MED12L: variants seen among roughly 807,000 people sequenced by gnomAD.
MED12L encodes the protein mediator complex subunit 12L, also known as mediator of RNA polymerase II transcription subunit 12-like protein.
Under a neutral mutation model 281.3 loss-of-function variants are expected in MED12L, and 60 were observed. That is an observed-to-expected ratio of 0.21 (90% CI 0.17 to 0.26). The LOEUF (loss-of-function observed/expected upper bound fraction) is 0.26. Among genes scored for constraint, MED12L ranks in the 10% least tolerant of loss-of-function variants. The pLI, the probability that MED12L is intolerant of heterozygous loss-of-function variation, is 1.00. For synonymous variants in MED12L, 974 were observed against 987.2 expected, an observed-to-expected ratio of 0.99 and a Z score of 0.25; for missense variants, 2,146 against 2,680.9, an observed-to-expected ratio of 0.80 and a Z score of 4.41.
intron 12 of MED12L, among the ~76,000 whole-genome samples, chr3:151,185,955 G>A (rs939981029): frequency 2.0e-5 from 3 of 152,108 alleles, no homozygotes; most frequent in African/African-American, 7.2e-5. Flanking sequence ...ACACACATGT[G>A]CAATATACAT....
intron 9 of MED12L, 93 bp from the exon 10 acceptor site, chr3:151,165,327 A>G: frequency 1.1e-6 from 1 of 897,370 alleles, no homozygotes; most frequent in Non-Finnish European, 1.8e-6. Flanking sequence ...AGTTCACTAT[A>G]GGATACTTTA....
intron 38 of MED12L, among the ~76,000 whole-genome samples, chr3:151,393,107 C>T (rs1349061237): frequency 6.6e-6 from 1 of 152,106 alleles, no homozygotes; most frequent in African/African-American, 2.4e-5. Flanking sequence ...ATGGCTGAGG[C>T]AAATCTCACT....
intron 16 of MED12L, among the ~76,000 whole-genome samples, chr3:151,194,482 A>C (rs2149112233): frequency 6.6e-6 from 1 of 152,314 alleles, no homozygotes; most frequent in South Asian, 2.1e-4. Context: ...ACAAATTCTT[A>C]CTGGAAGGTG....
At position 151,194,091 on chromosome 3, in the gene MED12L, G is replaced by C. The variant is rs147281626; in HGVS notation, c.2250+425G>C. Among the ~76,000 whole-genome samples, 1,234 of 149,670 alleles carry C rather than the reference G, an allele frequency of 8.2e-3. 12 individuals carry two copies. The highest frequency in any genetic ancestry group is 0.014 in the Non-Finnish European group (938 of 67,626). ...AGTGATTCTTTTGCCTCAGCCTCCC[G>C]AGTAGCTGGGATTACAGGCACCTGC... is the stretch of plus-strand genomic sequence containing the variant. On this transcript the variant is annotated intron_variant, in intron 16 of 44. Coordinates refer to ENST00000687756, the MANE Select transcript of MED12L (RefSeq NM_001393769.1).
chr3:151,419,454 C>T (rs1421939338), intron 43 of MED12L, among the ~76,000 whole-genome samples: 1 of 152,144 alleles, frequency 6.6e-6, no homozygotes, highest in African/African-American at 2.4e-5. Context: ...TTTCTGCCTG[C>T]TTTATATTCG....
intron 21 of MED12L, among the ~76,000 whole-genome samples, chr3:151,360,856 G>A (rs1020077273): frequency 1.4e-4 from 21 of 152,038 alleles, no homozygotes; most frequent in Admixed American, 1.3e-3. Flanking sequence ...ATGATGTTAG[G>A]TCTGATTTTA....
At chr3:151,287,440 T>C (rs1437581773) in intron 16 of MED12L, among the ~76,000 whole-genome samples, 1 of 152,098 alleles carries the variant, frequency 6.6e-6, no homozygotes, top group Non-Finnish European at 1.5e-5. Context: ...AGGTTGTTAA[T>C]GGGAATGAAG....
intron 16 of MED12L, among the ~76,000 whole-genome samples, chr3:151,285,320 TA>T (rs1372602190): frequency 4.6e-5 from 7 of 151,666 alleles, no homozygotes; most frequent in African/African-American, 9.7e-5. Context: ...CCGTCTCTAC[TA>T]AAAAATACAA....
chr3:151,378,005 A>T lies in MED12L; in HGVS notation c.4317-7A>T. ...TTCTCCGGTGTAACACCTGTTTCTGATTTTAGTTCCTCCGAACGCAGGGGT... is the reference window on the plus strand; with the variant it reads ...TTCTCCGGTGTAACACCTGTTTCTGTTTTTAGTTCCTCCGAACGCAGGGGT... On this transcript the variant is annotated splice_region_variant and splice_polypyrimidine_tract_variant and intron_variant, in intron 30 of 44. Coordinates refer to ENST00000687756, the MANE Select transcript of MED12L (RefSeq NM_001393769.1). 3.8e-6 allele frequency: 6 copies of T among 1,586,192 alleles called. No homozygotes were observed. In the East Asian group the frequency reaches 6.9e-5, roughly 18 times the overall value.
chr3:151,312,583 A>G (rs753763287), intron 16 of MED12L, among the ~76,000 whole-genome samples: 2 of 152,184 alleles, frequency 1.3e-5, no homozygotes, highest in African/African-American at 4.8e-5. Flanking sequence ...GTCAAGAGAC[A>G]GTAATATCTT....
At chr3:151,139,887 T>C (rs1346536001) in intron 5 of MED12L, among the ~76,000 whole-genome samples, 1 of 152,236 alleles carries the variant, frequency 6.6e-6, no homozygotes, top group African/African-American at 2.4e-5. Flanking sequence ...CTTTAAGACA[T>C]GCACAAGAGG....
chr3:151,169,583 T>C (rs984444839), intron 11 of MED12L, among the ~76,000 whole-genome samples: 10 of 152,150 alleles, frequency 6.6e-5, no homozygotes, highest in Non-Finnish European at 1.5e-4. Flanking sequence ...GCCCTTTTTT[T>C]CTCTAAGGAA....
intron 16 of MED12L, among the ~76,000 whole-genome samples, chr3:151,205,695 A>G (rs968347983): frequency 5.3e-5 from 8 of 152,276 alleles, no homozygotes; most frequent in Non-Finnish European, 1.0e-4. Context: ...ACTGTGGTGC[A>G]GAGAAATTAA....
rs565185489 is a variant in MED12L, at chr3:151,244,530, C to T, written c.2250+50864C>T. 3.5e-3 allele frequency among the ~76,000 whole-genome samples: 518 copies of T among 149,562 alleles called. 3 individuals carry two copies. Among genetic ancestry groups the T allele is most frequent in the African/African-American group, 0.012 (498 of 40,728 alleles). ...TCCTGAATGACTACTGGGTACATAACGAAATGAAGGCAGAAATAAAGATGT... is the reference window on the plus strand; with the variant it reads ...TCCTGAATGACTACTGGGTACATAATGAAATGAAGGCAGAAATAAAGATGT... On this transcript the variant is annotated intron_variant, in intron 16 of 44. Transcript: ENST00000687756.
intron 5 of MED12L, among the ~76,000 whole-genome samples, chr3:151,149,835 C>A (rs1423083771): frequency 6.6e-6 from 1 of 152,146 alleles, no homozygotes; most frequent in Non-Finnish European, 1.5e-5. Context: ...CTGAAGAAAC[C>A]ACTTTGTTTG....
At chr3:151,128,781 A>G (rs991171190) in intron 5 of MED12L, among the ~76,000 whole-genome samples, 3 of 152,140 alleles carry the variant, frequency 2.0e-5, no homozygotes, top group Admixed American at 6.5e-5. Context: ...GTCCATCTCA[A>G]TATCTGAAAT....
chr3:151,270,388 C>G (rs1251551628), intron 16 of MED12L, among the ~76,000 whole-genome samples: 1 of 152,008 alleles, frequency 6.6e-6, no homozygotes, highest in African/African-American at 2.4e-5. Flanking sequence ...ATTTTTATCC[C>G]TTCTTGTCTG....
At chr3:151,309,485 T>A (rs1368375434) in intron 16 of MED12L, among the ~76,000 whole-genome samples, 1 of 152,206 alleles carries the variant, frequency 6.6e-6, no homozygotes, top group Non-Finnish European at 1.5e-5. Context: ...TGACCTGACC[T>A]GTATACCTGC....
At chr3:151,350,887 A>G (rs1753151347) in intron 17 of MED12L, among the ~76,000 whole-genome samples, 1 of 152,136 alleles carries the variant, frequency 6.6e-6, no homozygotes, top group African/African-American at 2.4e-5. Context: ...GTAATTATCC[A>G]CTTCACGTTT....
Sources: allele counts gnomAD v4.1 joint callset (sites outside exome capture counted in the v4.1 genomes callset), GRCh38; gene constraint gnomAD v4.1.1; transcripts MANE v1.5; gene names NCBI Gene and HGNC (gene_info 2026-07-23, HGNC 2026-07-21).